Variants in PMEPA1 observed in about 807,000 individuals in gnomAD.
The protein encoded by PMEPA1 is prostate transmembrane protein, androgen induced 1.
Under a neutral mutation model 23.0 loss-of-function variants are expected in PMEPA1, and 11 were observed. The ratio of observed to expected loss-of-function variants is 0.48; its 90% CI spans 0.30 to 0.79. PMEPA1 has a LOEUF of 0.79. Among genes scored for constraint, PMEPA1 ranks in the 30% least tolerant of loss-of-function variants. The pLI is 0.06. For synonymous variants in PMEPA1, 204 were observed against 166.4 expected (o/e 1.23, Z -1.74); for missense variants, 377 against 390.9 (o/e 0.96, Z 0.30).
At chr20:57,676,685 G>C (rs74545900) in intron 1 of PMEPA1, among the ~76,000 whole-genome samples, 3,338 of 152,266 alleles carry the variant, frequency 0.022, 121 homozygotes, top group African/African-American at 0.066. Flanking sequence ...TCCTGCCCTC[G>C]AGGGGCGGAG....
At position 57,650,405 on chromosome 20, in the gene PMEPA1, C is replaced by T. The variant is rs2071208534; in HGVS notation, c.*1648G>A. ...AAAGACGTCAAGCTCCAGCCACTGG[C>T]CCCGGTGGGTCCCAAAGCCCCACCC... On this transcript the variant is annotated 3_prime_UTR_variant, in exon 4 of 4. Coordinates refer to ENST00000341744, the MANE Select transcript of PMEPA1 (RefSeq NM_020182.5). 6.6e-6 allele frequency: 1 copy of T among 152,272 alleles called. No individual in the cohort carries two copies. Among genetic ancestry groups the T allele is most frequent in the Non-Finnish European group, 1.5e-5 (1 of 68,066 alleles). The allele number at this position is 152,272 out of a possible 1,614,324, so 9.4% of individuals were successfully genotyped here. A position where few individuals can be genotyped will look rare whatever the true frequency, so the allele number is the denominator to read the frequency against.
intron 1 of PMEPA1, among the ~76,000 whole-genome samples, chr20:57,679,106 T>C (rs2071676974): frequency 6.6e-6 from 1 of 152,172 alleles, no homozygotes; most frequent in Non-Finnish European, 1.5e-5. Context: ...TTTGTGATAA[T>C]GAGCACCTAG....
chr20:57,709,525 C>T lies in PMEPA1; in HGVS notation c.58G>A (p.Val20Ile). The T allele has an allele frequency of 8.8e-7, 1 of 1,137,500 alleles. No homozygotes were observed. The highest frequency in any genetic ancestry group is 1.1e-6 in the Non-Finnish European group (1 of 905,798). 70.5% of individuals were successfully genotyped at this position (1,137,500 alleles called of 1,614,324 possible). A position where few individuals can be genotyped will look rare whatever the true frequency, so the allele number is the denominator to read the frequency against. ...TAAAAAGQPN[V>I]SCTCNCKRSL... The stretch of plus-strand genomic sequence containing the variant: ...CGTTTGCAGTTGCACGTGCAGGAGA[C>T]ATTGGGCTGCCCGGCGGCGGCGGCG... Residue 20 changes from valine to isoleucine, a missense_variant, in exon 1 of 4, where the codon GTC becomes ATC. By Grantham distance (29) the Val-to-Ile change is conservative. Transcript: ENST00000341744.
intron 1 of PMEPA1, among the ~76,000 whole-genome samples, chr20:57,701,029 C>CA (rs935430594): frequency 2.8e-4 from 36 of 129,648 alleles, no homozygotes; most frequent in African/African-American, 3.5e-4. Flanking sequence ...GACTCCATTT[C>CA]AAAAAAAAAG....
chr20:57,685,989 G>A (rs2071795838), intron 1 of PMEPA1, among the ~76,000 whole-genome samples: 1 of 152,158 alleles, frequency 6.6e-6, no homozygotes, highest in South Asian at 2.1e-4. Flanking sequence ...AGACAGGGTT[G>A]GAGGTGGGCT....
chr20:57,707,600 A>G (rs1199074110), intron 1 of PMEPA1, among the ~76,000 whole-genome samples: 1 of 151,910 alleles, frequency 6.6e-6, no homozygotes, highest in Admixed American at 6.6e-5. Flanking sequence ...GGTCAAAAAC[A>G]TCATGGACTG....
chr20:57,660,999 C>A (rs2071411285), intron 1 of PMEPA1, among the ~76,000 whole-genome samples: 1 of 152,176 alleles, frequency 6.6e-6, no homozygotes, highest in African/African-American at 2.4e-5. Context: ...CACATCCATC[C>A]CAGGACTCAC....
Position 57,653,106 on chromosome 20 carries a change from C to T in PMEPA1, c.265-20G>A. On this transcript the variant is annotated intron_variant, in intron 2 of 3. Transcript: ENST00000341744. Reference sequence around the variant, plus strand: ...TCCTTCCTGCACAGGAAGAAACGTACAAGCAGGGTCAGTGGGGTGGGCAGG... The same window carrying T: ...TCCTTCCTGCACAGGAAGAAACGTATAAGCAGGGTCAGTGGGGTGGGCAGG... 1 of 1,568,212 alleles carries T rather than the reference C, an allele frequency of 6.4e-7. No homozygotes were observed. The highest frequency in any genetic ancestry group is 1.2e-5 in the South Asian group (1 of 85,434).
chr20:57,671,362 C>T (rs550174471), intron 1 of PMEPA1, among the ~76,000 whole-genome samples: 4 of 152,150 alleles, frequency 2.6e-5, no homozygotes, highest in South Asian at 4.1e-4. Flanking sequence ...AACGGGTGGG[C>T]GTGGGTGAGT....
intron 1 of PMEPA1, among the ~76,000 whole-genome samples, chr20:57,684,521 T>G (rs1408392248): frequency 1.3e-5 from 2 of 152,140 alleles, no homozygotes; most frequent in Non-Finnish European, 2.9e-5. Flanking sequence ...CACTTTCTGG[T>G]TGCTGGCAGG....
chr20:57,653,351 T>C (rs1456051524), intron 2 of PMEPA1, among the ~76,000 whole-genome samples: 1 of 152,114 alleles, frequency 6.6e-6, no homozygotes, highest in East Asian at 1.9e-4. Context: ...ATACACCCAC[T>C]TGTGGGGCCC....
chr20:57,662,209 G>C (rs957812427), intron 1 of PMEPA1, among the ~76,000 whole-genome samples: 1 of 152,252 alleles, frequency 6.6e-6, no homozygotes, highest in Non-Finnish European at 1.5e-5. Context: ...AGTGGGTGGA[G>C]GCCAGGGGCT....
Position 57,682,471 on chromosome 20 carries a change from G to A in PMEPA1, c.110-22774C>T, listed in dbSNP as rs974987169. Among the ~76,000 whole-genome samples, 3 of 152,148 alleles carry A rather than the reference G, an allele frequency of 2.0e-5. No homozygotes were observed. The highest frequency in any genetic ancestry group is 4.4e-5 in the Non-Finnish European group (3 of 68,026). On this transcript the variant is annotated intron_variant, in intron 1 of 3. Transcript: ENST00000341744. The surrounding 1 kb of genome is among the most constrained non-coding windows in gnomAD (Gnocchi z 4.4). The stretch of plus-strand genomic sequence containing the variant: ...GTTCTGGGTCTCCCTGGAGTGTCGG[G>A]GTCCTAGGCGCCGGCCCAGAGGAGT...
chr20:57,688,705 G>A (rs1228284865), intron 1 of PMEPA1, among the ~76,000 whole-genome samples: 2 of 152,224 alleles, frequency 1.3e-5, no homozygotes, highest in South Asian at 2.1e-4. Flanking sequence ...TGAGGCGACC[G>A]AGGCTAAAAG....
chr20:57,652,977 G>A lies in PMEPA1; in HGVS notation c.318+56C>T, dbSNP rs1453973737. The A allele has an allele frequency of 3.5e-6, 5 of 1,436,310 alleles. No individual in the cohort carries two copies. The highest frequency in any genetic ancestry group is 1.7e-4 in the Middle Eastern group (1 of 5,758). 89.0% of individuals were successfully genotyped at this position (1,436,310 alleles called of 1,614,324 possible). On this transcript the variant is annotated intron_variant, in intron 3 of 3. Transcript: ENST00000341744. The surrounding 1 kb of genome is among the most constrained non-coding windows in gnomAD (Gnocchi z 6.1). Reference sequence around the variant, plus strand: ...CAGCCCACACTGTTCCAGCCGCAGCGGGAGCAGCCCAGGGTGGGATGGGGG... The same window carrying A: ...CAGCCCACACTGTTCCAGCCGCAGCAGGAGCAGCCCAGGGTGGGATGGGGG...
In PMEPA1 at chr20:57,652,970, C is replaced by A. The variant is rs6064578; in HGVS notation, c.318+63G>T. On this transcript the variant is annotated intron_variant, in intron 3 of 3. Transcript: ENST00000341744. This position sits in a 1 kb window ranked among gnomAD's most constrained non-coding sequence, Gnocchi z 6.1. Reference sequence around the variant, plus strand: ...CCTTTAGCAGCCCACACTGTTCCAGCCGCAGCGGGAGCAGCCCAGGGTGGG... The same window carrying A: ...CCTTTAGCAGCCCACACTGTTCCAGACGCAGCGGGAGCAGCCCAGGGTGGG... 0.028 allele frequency: 39,257 copies of A among 1,379,220 alleles called. 661 individuals are homozygous for A. Among genetic ancestry groups the A allele is most frequent in the Non-Finnish European group, 0.033 (32,611 of 987,182 alleles). 85.4% of individuals were successfully genotyped at this position (1,379,220 alleles called of 1,614,324 possible).
In PMEPA1 at chr20:57,705,252, G is replaced by A. The variant is rs190367460; in HGVS notation, c.109+4222C>T. ...CAAATGCTAAACTCACCTCGACCCT[G>A]GGTCACACTGGGCAGTGTAGCTGGC... On this transcript the variant is annotated intron_variant, in intron 1 of 3. Coordinates refer to ENST00000341744, the MANE Select transcript of PMEPA1 (RefSeq NM_020182.5). Among the ~76,000 whole-genome samples, 7 of 152,350 alleles carry A rather than the reference G, an allele frequency of 4.6e-5. No homozygotes were observed. In the East Asian group the frequency reaches 1.4e-3, roughly 29 times the overall value.
intron 1 of PMEPA1, among the ~76,000 whole-genome samples, chr20:57,671,634 A>G (rs2071569878): frequency 6.6e-6 from 1 of 152,212 alleles, no homozygotes; most frequent in Non-Finnish European, 1.5e-5. Flanking sequence ...GACCATCTAA[A>G]TGCCACCAAA....
chr20:57,666,523 C>T (rs1175710080), intron 1 of PMEPA1, among the ~76,000 whole-genome samples: 3 of 152,160 alleles, frequency 2.0e-5, no homozygotes, highest in Admixed American at 6.5e-5. Flanking sequence ...AAAGCCTGAC[C>T]GTTTGCCCGA....
Sources: gnomAD v4.1 joint callset for allele counts (sites outside exome capture counted in the v4.1 genomes callset) on GRCh38, gnomAD v4.1.1 for gene constraint, Gnocchi (gnomAD v3.1) non-coding constraint, MANE v1.5 for transcripts, NCBI Gene and HGNC (gene_info 2026-07-23, HGNC 2026-07-21) for gene names.